Variants in BORCS5 observed in about 807,000 individuals in gnomAD.
The protein encoded by BORCS5 is BLOC-1 related complex subunit 5.
In BORCS5, 17 loss-of-function variants were observed where a neutral mutation model predicts 22.1. That is an observed-to-expected ratio of 0.77 (90% CI 0.53 to 1.15). BORCS5 has a LOEUF of 1.15. Ranked by LOEUF, BORCS5 falls within the 50% of genes most tolerant of loss-of-function variation. The pLI is 0.00. For missense variants in BORCS5, 247 were observed against 253.2 expected (o/e 0.98, Z 0.17); for synonymous variants, 117 against 99.8 (o/e 1.17, Z -1.03).
rs554093256 is a variant in BORCS5, at chr12:12,381,162, G to T, written c.202+19813G>T. Among the ~76,000 whole-genome samples the T allele has an allele frequency of 6.0e-5, 9 of 150,808 alleles. 2 individuals carry two copies. The South Asian group carries it at 1.9e-3, about 32-fold the overall frequency. ...AGGTAGCTGGGATTACGGGTGCCTG[G>T]CTCATTTTTGTGTTTTTAGTAGAGA... is the stretch of plus-strand genomic sequence containing the variant. On this transcript the variant is annotated intron_variant, in intron 2 of 3. Coordinates refer to ENST00000314565, the MANE Select transcript of BORCS5 (RefSeq NM_058169.6).
In BORCS5 at chr12:12,465,759, C is replaced by T. The variant is rs139969054; in HGVS notation, c.574C>T (p.Arg192Cys). ...RLEPFSMKPDRELRL is the reference protein window; with the variant it reads ...RLEPFSMKPDCELRL ...GGAGCCCTTCAGCATGAAGCCCGAC[C>T]GCGAGCTCAGGCTGTAGCTGCTGCC... Residue 192 changes from arginine to cysteine, a missense_variant, in exon 4 of 4, where the codon CGC becomes TGC. Transcript: ENST00000314565. The T allele has an allele frequency of 3.0e-5, 49 of 1,612,758 alleles. No individual in the cohort carries two copies. In the African/African-American group the frequency reaches 3.2e-4, roughly 11 times the overall value.
intron 3 of BORCS5, among the ~76,000 whole-genome samples, chr12:12,446,615 C>T (rs1436524321): frequency 6.6e-6 from 1 of 152,212 alleles, no homozygotes; most frequent in Non-Finnish European, 1.5e-5. Context: ...CTCAGGGACT[C>T]CCAAAGGATT....
At position 12,400,655 on chromosome 12, in the gene BORCS5, A is replaced by G. The variant is rs113085894; in HGVS notation, c.203-34973A>G. 3.8e-4 allele frequency among the ~76,000 whole-genome samples: 58 copies of G among 151,534 alleles called. 1 individual carries two copies. Among genetic ancestry groups the G allele is most frequent in the African/African-American group, 1.3e-3 (55 of 41,324 alleles). Reference sequence around the variant, plus strand: ...ATTTGTCATATTTTAATATTTTGCCATGTTTGCTTCAGATCTCTTTCCCTG... The same window carrying G: ...ATTTGTCATATTTTAATATTTTGCCGTGTTTGCTTCAGATCTCTTTCCCTG... On this transcript the variant is annotated intron_variant, in intron 2 of 3. Transcript: ENST00000314565.
intron 2 of BORCS5, among the ~76,000 whole-genome samples, chr12:12,383,874 G>A (rs532019252): frequency 2.6e-5 from 4 of 151,270 alleles, no homozygotes; most frequent in African/African-American, 9.7e-5. Flanking sequence ...GATTTGGTAA[G>A]TTTGTCTCTT....
chr12:12,435,815 G>T (rs1942543319), intron 3 of BORCS5, 30 bp downstream of exon 3: 1 of 1,597,498 alleles, frequency 6.3e-7, no homozygotes, highest in Non-Finnish European at 8.6e-7. Context: ...TAACATTGCT[G>T]ACTGGTTGTT....
At chr12:12,360,242 G>T (rs1863249252) in intron 1 of BORCS5, among the ~76,000 whole-genome samples, 1 of 152,032 alleles carries the variant, frequency 6.6e-6, no homozygotes, top group African/African-American at 2.4e-5. Flanking sequence ...CATGCCTGTT[G>T]TCCTAGCTAC....
chr12:12,425,019 C>CT (rs1408037308), intron 2 of BORCS5, among the ~76,000 whole-genome samples: 1 of 152,178 alleles, frequency 6.6e-6, no homozygotes, highest in Non-Finnish European at 1.5e-5. Flanking sequence ...TGATTACCGT[C>CT]TGTGTCTCTG....
intron 3 of BORCS5, among the ~76,000 whole-genome samples, chr12:12,465,304 C>T (rs189860584): frequency 2.6e-5 from 4 of 152,304 alleles, no homozygotes; most frequent in East Asian, 1.9e-4. Context: ...GTACAAATAA[C>T]GCACATTCCC....
rs188783033 is a variant in BORCS5, at chr12:12,362,225, A to C, written c.202+876A>C. Among the ~76,000 whole-genome samples the C allele has an allele frequency of 2.7e-3, 404 of 152,312 alleles. 6 individuals carry two copies. The highest frequency in any genetic ancestry group is 9.3e-3 in the African/African-American group (386 of 41,570). On this transcript the variant is annotated intron_variant, in intron 2 of 3. Transcript: ENST00000314565. ...ATTGGGGTAAGATAAGCTTCTTATAAGCCTTTTATAAGGCAGCTGGCATAC... is the reference window on the plus strand; with the variant it reads ...ATTGGGGTAAGATAAGCTTCTTATACGCCTTTTATAAGGCAGCTGGCATAC...
rs1277280351 is a variant in BORCS5, at chr12:12,438,370, AAAAAAAAAAACGAAAAAC to A, written c.360+2588_360+2605del. ...AGCCAGATTTCATCTCAAAAAAAAA[AAAAAAAAAAACGAAAAAC>A]AACAACAAAAACCTCTAATCCATAT... On this transcript the variant is annotated intron_variant, in intron 3 of 3. Coordinates refer to ENST00000314565, the MANE Select transcript of BORCS5 (RefSeq NM_058169.6). Among the ~76,000 whole-genome samples, 105 of 128,180 alleles carry A rather than the reference AAAAAAAAAAACGAAAAAC, an allele frequency of 8.2e-4. 4 individuals are homozygous for A. Among genetic ancestry groups the A allele is most frequent in the African/African-American group, 4.1e-3 (104 of 25,236 alleles). 84.1% of individuals were successfully genotyped at this position (128,180 alleles called of 152,430 possible).
At chr12:12,426,256 CAG>C (rs1163465261) in intron 2 of BORCS5, among the ~76,000 whole-genome samples, 3 of 152,212 alleles carry the variant, frequency 2.0e-5, no homozygotes, top group African/African-American at 7.2e-5. Context: ...TAATAGGAGA[CAG>C]AGAATCGTGC....
At chr12:12,437,604 C>T (rs1314817397) in intron 3 of BORCS5, among the ~76,000 whole-genome samples, 2 of 152,162 alleles carry the variant, frequency 1.3e-5, no homozygotes, top group Non-Finnish European at 2.9e-5. Context: ...AGCGTATTAT[C>T]TCACTTAAAG....
intron 2 of BORCS5, among the ~76,000 whole-genome samples, chr12:12,430,564 C>T (rs751038523): frequency 2.0e-5 from 3 of 152,074 alleles, no homozygotes; most frequent in African/African-American, 4.8e-5. Flanking sequence ...GAGAACTGCC[C>T]TGAAGTTCTT....
At chr12:12,386,954 C>G (rs1439474058) in intron 2 of BORCS5, among the ~76,000 whole-genome samples, 1 of 150,798 alleles carries the variant, frequency 6.6e-6, no homozygotes, top group Non-Finnish European at 1.5e-5. Flanking sequence ...ACCTTGAACT[C>G]CTGGGCTCAA....
chr12:12,432,175 G>A (rs1050226560), intron 2 of BORCS5, among the ~76,000 whole-genome samples: 1 of 152,094 alleles, frequency 6.6e-6, no homozygotes, highest in Non-Finnish European at 1.5e-5. Context: ...AGGAGTCTTG[G>A]TTTTTGTATT....
Position 12,408,169 on chromosome 12 carries a change from G to A in BORCS5, c.203-27459G>A, listed in dbSNP as rs147753542. On this transcript the variant is annotated intron_variant, in intron 2 of 3. Coordinates refer to ENST00000314565, the MANE Select transcript of BORCS5 (RefSeq NM_058169.6). ...TTTTTAAGGCTGAATTCTATTATGT[G>A]TATATACCACATTTTGTTTATCCTT... Among the ~76,000 whole-genome samples, 5 of 152,208 alleles carry A rather than the reference G, an allele frequency of 3.3e-5. No homozygotes were observed. In the East Asian group the frequency reaches 9.7e-4, roughly 29 times the overall value.
intron 2 of BORCS5, among the ~76,000 whole-genome samples, chr12:12,411,842 T>G (rs1057455313): frequency 4.6e-5 from 7 of 152,232 alleles, no homozygotes; most frequent in Admixed American, 3.9e-4. Flanking sequence ...CTCATTCTTT[T>G]GCATGTGGAT....
chr12:12,425,652 C>T (rs1342606953), intron 2 of BORCS5, among the ~76,000 whole-genome samples: 1 of 152,186 alleles, frequency 6.6e-6, no homozygotes, highest in African/African-American at 2.4e-5. Flanking sequence ...GGAGAAATGC[C>T]TATTTAAATC....
intron 2 of BORCS5, among the ~76,000 whole-genome samples, chr12:12,411,428 A>G (rs1389394449): frequency 6.6e-6 from 1 of 151,994 alleles, no homozygotes. Context: ...CCCATTTATG[A>G]ATTGGGTTGT....
Sources: gnomAD v4.1 joint callset for allele counts (sites outside exome capture counted in the v4.1 genomes callset) on GRCh38, gnomAD v4.1.1 for gene constraint, MANE v1.5 for transcripts, NCBI Gene and HGNC (gene_info 2026-07-23, HGNC 2026-07-21) for gene names.